Variants in ADK observed in about 807,000 individuals in gnomAD.
The protein encoded by ADK is adenosine kinase.
A neutral mutation model predicts 44.7 loss-of-function variants in ADK; 24 were observed. That is an observed-to-expected ratio of 0.54 (90% CI 0.39 to 0.76). ADK has a LOEUF of 0.76. ADK is among the 30% of genes least tolerant of loss of function. ADK has a pLI of 0.00. For missense variants in ADK, 321 were observed against 425.1 expected (o/e 0.76, Z 2.15); for synonymous variants, 128 against 142.6 (o/e 0.90, Z 0.73).
chr10:74,215,735 G>A (rs976670554), intron 2 of ADK, among the ~76,000 whole-genome samples: 6 of 146,106 alleles, frequency 4.1e-5, no homozygotes, highest in Admixed American at 3.5e-4. Flanking sequence ...GCTCGATCTC[G>A]GCTCACTGCA....
intron 6 of ADK, among the ~76,000 whole-genome samples, chr10:74,405,453 C>T (rs1167247884): frequency 6.6e-6 from 1 of 150,566 alleles, no homozygotes; most frequent in Non-Finnish European, 1.5e-5. Context: ...CTTAATGAAA[C>T]CTTTCCCATT....
intron 1 of ADK, among the ~76,000 whole-genome samples, chr10:74,185,488 C>T (rs987001669): frequency 4.7e-5 from 7 of 150,312 alleles, no homozygotes; most frequent in African/African-American, 1.7e-4. Context: ...TTTCCCTAGT[C>T]TGTTCACTTT....
chr10:74,276,464 A>G (rs1479560567), intron 3 of ADK, among the ~76,000 whole-genome samples: 1 of 152,226 alleles, frequency 6.6e-6, no homozygotes, highest in African/African-American at 2.4e-5. Flanking sequence ...TGTTTTTCAG[A>G]TAACAAATTG....
chr10:74,658,623 G>C (rs1854581545), intron 9 of ADK, among the ~76,000 whole-genome samples: 2 of 151,908 alleles, frequency 1.3e-5, no homozygotes, highest in Admixed American at 1.3e-4. Flanking sequence ...TTTTTGTAGA[G>C]ACAGCTTGTT....
At chr10:74,593,010 T>TC (rs920102531) in intron 8 of ADK, among the ~76,000 whole-genome samples, 4 of 152,220 alleles carry the variant, frequency 2.6e-5, no homozygotes, top group African/African-American at 7.2e-5. Flanking sequence ...GTTTCATTGA[T>TC]CAGCATGGAT....
chr10:74,398,533 A>AG lies in ADK; in HGVS notation c.510dup (p.Lys171GlufsTer35). 1 of 1,611,904 alleles carries AG rather than the reference A, an allele frequency of 6.2e-7. No homozygotes were observed. The highest frequency in any genetic ancestry group is 8.5e-7 in the Non-Finnish European group (1 of 1,178,596). On this transcript the variant is annotated frameshift_variant, in exon 6 of 11. Coordinates refer to ENST00000539909, the MANE Select transcript of ADK (RefSeq NM_006721.4). LOFTEE classifies it high-confidence loss of function. ...AAAAAGGAAAAACATCTTGATCTGGAGAAAAACTGGATGTTGGTAGAAAAA... is the reference window on the plus strand; with the variant it reads ...AAAAAGGAAAAACATCTTGATCTGGAGGAAAAACTGGATGTTGGTAGAAAAA...
chr10:74,505,775 C>T (rs759392362), intron 6 of ADK, among the ~76,000 whole-genome samples: 9 of 152,034 alleles, frequency 5.9e-5, no homozygotes, highest in Non-Finnish European at 8.8e-5. Context: ...CTATAGATTA[C>T]CATGTGTAAT....
intron 1 of ADK, among the ~76,000 whole-genome samples, chr10:74,182,377 T>TTTATTTATTTAG (rs1842592831): frequency 1.3e-5 from 2 of 151,796 alleles, no homozygotes; most frequent in Non-Finnish European, 2.9e-5. Context: ...TATTTATTTA[T>TTTATTTATTTAG]TTATTTTTGA....
At chr10:74,457,018 T>C (rs752342339) in intron 6 of ADK, among the ~76,000 whole-genome samples, 12 of 152,130 alleles carry the variant, frequency 7.9e-5, no homozygotes, top group Non-Finnish European at 1.8e-4. Context: ...CGAAAAACCC[T>C]TCCAAAAATC....
At chr10:74,691,543 T>G (rs1855989616) in intron 10 of ADK, among the ~76,000 whole-genome samples, 1 of 152,188 alleles carries the variant, frequency 6.6e-6, no homozygotes, top group Non-Finnish European at 1.5e-5. Flanking sequence ...AATCATAGAA[T>G]TATTACAATC....
intron 9 of ADK, among the ~76,000 whole-genome samples, chr10:74,659,322 A>G (rs1854608597): frequency 6.6e-6 from 1 of 152,212 alleles, no homozygotes; most frequent in African/African-American, 2.4e-5. Context: ...TTTCCATGGA[A>G]AACTATTTTT....
chr10:74,655,372 CA>C (rs2134149107), intron 9 of ADK: 3 of 411,028 alleles, frequency 7.3e-6, no homozygotes, highest in African/African-American at 2.1e-5. Flanking sequence ...TCGTCCACAT[CA>C]AAAAAGAGAA....
At chr10:74,394,340 A>G (rs748657523) in intron 5 of ADK, 27 bp downstream of exon 5, 5 of 1,608,590 alleles carry the variant, frequency 3.1e-6, no homozygotes, top group South Asian at 2.2e-5. Context: ...GGGAACCACT[A>G]TACTAATTGG....
In ADK at chr10:74,453,283, A is replaced by G. The variant is rs143514108; in HGVS notation, c.555+54704A>G. ...GATGTATTTCTGTGTTACTAAGAAC[A>G]TGCATCCTATCTCCTTGACAATGGC... On this transcript the variant is annotated intron_variant, in intron 6 of 10. Coordinates refer to ENST00000539909, the MANE Select transcript of ADK (RefSeq NM_006721.4). 1.8e-3 allele frequency among the ~76,000 whole-genome samples: 270 copies of G among 152,276 alleles called. 1 individual carries two copies. Among genetic ancestry groups the G allele is most frequent in the Non-Finnish European group, 2.8e-3 (188 of 67,952 alleles).
chr10:74,428,731 A>G (rs1844882984), intron 6 of ADK, among the ~76,000 whole-genome samples: 1 of 152,238 alleles, frequency 6.6e-6, no homozygotes, highest in Non-Finnish European at 1.5e-5. Context: ...AGACATGTTG[A>G]TGAAGAACAG....
intron 9 of ADK, among the ~76,000 whole-genome samples, chr10:74,633,282 T>A (rs1009216127): frequency 6.6e-6 from 1 of 152,214 alleles, no homozygotes; most frequent in Non-Finnish European, 1.5e-5. Context: ...TTGCTTAATA[T>A]ATCTTAGAGA....
At chr10:74,457,778 AAC>A (rs1363571793) in intron 6 of ADK, among the ~76,000 whole-genome samples, 7 of 152,194 alleles carry the variant, frequency 4.6e-5, no homozygotes, top group Non-Finnish European at 8.8e-5. Flanking sequence ...CAGAAAACCA[AAC>A]ACTGCATGTT....
chr10:74,609,764 T>G (rs927424469), intron 9 of ADK, among the ~76,000 whole-genome samples: 6 of 152,224 alleles, frequency 3.9e-5, no homozygotes, highest in Admixed American at 2.0e-4. Context: ...TGTATCAAAA[T>G]GTTTCCTTGG....
chr10:74,295,069 C>G (rs1051477425), intron 3 of ADK, among the ~76,000 whole-genome samples: 3 of 151,606 alleles, frequency 2.0e-5, no homozygotes, highest in African/African-American at 7.3e-5. Context: ...GTTGGCCATG[C>G]TGGTCTCGAA....
Sources: gnomAD v4.1 joint callset for allele counts (sites outside exome capture counted in the v4.1 genomes callset) on GRCh38, gnomAD v4.1.1 for gene constraint, MANE v1.5 for transcripts, NCBI Gene and HGNC (gene_info 2026-07-23, HGNC 2026-07-21) for gene names.